COL19A1: variants seen among roughly 807,000 people sequenced by gnomAD.
The protein encoded by COL19A1 is collagen type XIX alpha 1 chain, also known as collagen alpha-1(XIX) chain.
A neutral mutation model predicts 190.2 loss-of-function variants in COL19A1; 159 were observed. That is an observed-to-expected ratio of 0.84 (90% CI 0.73 to 0.95). The LOEUF (loss-of-function observed/expected upper bound fraction) is 0.95. COL19A1 is among the 40% of genes least tolerant of loss of function. COL19A1 has a pLI of 0.00. For synonymous variants in COL19A1, 509 were observed against 458.9 expected, an observed-to-expected ratio of 1.11 and a Z score of -1.39; for missense variants, 1,418 against 1,431.9, an observed-to-expected ratio of 0.99 and a Z score of 0.16.
chr6:70,026,460 G>A (rs1778736687), intron 12 of COL19A1, among the ~76,000 whole-genome samples: 1 of 152,178 alleles, frequency 6.6e-6, no homozygotes, highest in Admixed American at 6.5e-5. Flanking sequence ...ATTGTCTGAT[G>A]TAGCTCATTA....
chr6:70,132,272 C>T (rs1313626094), intron 18 of COL19A1, among the ~76,000 whole-genome samples: 2 of 152,162 alleles, frequency 1.3e-5, no homozygotes, highest in East Asian at 3.9e-4. Flanking sequence ...CTGGCAAACA[C>T]CTGTGGTCCC....
intron 14 of COL19A1, among the ~76,000 whole-genome samples, chr6:70,051,981 C>T (rs1780229837): frequency 6.6e-6 from 1 of 152,042 alleles, no homozygotes; most frequent in African/African-American, 2.4e-5. Context: ...GAATAGATCC[C>T]ATAAATCATC....
At chr6:69,936,013 C>T (rs1482915593) in intron 7 of COL19A1, among the ~76,000 whole-genome samples, 1 of 152,124 alleles carries the variant, frequency 6.6e-6, no homozygotes, top group Non-Finnish European at 1.5e-5. Context: ...TATTAACTCT[C>T]TCCTAGTGCT....
At chr6:70,098,055 A>G (rs1372938805) in intron 15 of COL19A1, among the ~76,000 whole-genome samples, 2 of 152,174 alleles carry the variant, frequency 1.3e-5, no homozygotes, top group African/African-American at 4.8e-5. Flanking sequence ...AAACATGCAA[A>G]CATTCCTCCC....
chr6:69,998,644 CAAA>C (rs34860121), intron 11 of COL19A1, among the ~76,000 whole-genome samples: 4 of 67,256 alleles, frequency 5.9e-5, no homozygotes, highest in Non-Finnish European at 1.3e-4. Context: ...GACTCCCTCT[CAAA>C]AAAAAAAAAA....
chr6:70,085,941 T>C (rs11756715), intron 15 of COL19A1, among the ~76,000 whole-genome samples: 4,123 of 152,318 alleles, frequency 0.027, 94 homozygotes, highest in Non-Finnish European at 0.044. Context: ...AGTTATGCTA[T>C]TGCAACACTC....
At chr6:69,949,998 T>C (rs1218097858) in intron 9 of COL19A1, among the ~76,000 whole-genome samples, 1 of 151,830 alleles carries the variant, frequency 6.6e-6, no homozygotes, top group African/African-American at 2.4e-5. Flanking sequence ...ATTAATGGAG[T>C]GAAGCATATT....
At chr6:69,899,152 A>G (rs1769989434) in intron 3 of COL19A1, 130 bp downstream of exon 3, 1 of 619,438 alleles carries the variant, frequency 1.6e-6, no homozygotes. Context: ...GAAAATTTTA[A>G]GAATTCTTTT....
chr6:70,194,131 C>T (rs558170493), intron 48 of COL19A1, among the ~76,000 whole-genome samples: 2 of 152,290 alleles, frequency 1.3e-5, no homozygotes, highest in African/African-American at 2.4e-5. Flanking sequence ...TCTGCAGCCT[C>T]GAGAGCCATT....
intron 2 of COL19A1, among the ~76,000 whole-genome samples, chr6:69,881,615 C>A (rs1768560870): frequency 6.6e-6 from 1 of 152,210 alleles, no homozygotes; most frequent in African/African-American, 2.4e-5. Context: ...TATTCTGATC[C>A]AATTTACTTC....
rs536744550 is a variant in COL19A1, at chr6:70,065,337, G to C, written c.1171-3086G>C. ...CAACTATCTGATCTTTGACAAACCT[G>C]ACAAAAACAAGAAATGGGGAAAGGA... On this transcript the variant is annotated intron_variant, in intron 14 of 50. Transcript: ENST00000620364. Among the ~76,000 whole-genome samples, 363 of 152,204 alleles carry C rather than the reference G, an allele frequency of 2.4e-3. 1 individual carries two copies. The highest frequency in any genetic ancestry group is 7.1e-3 in the African/African-American group (294 of 41,536).
chr6:69,915,932 ATC>A (rs1346881982), intron 4 of COL19A1, among the ~76,000 whole-genome samples: 3 of 136,668 alleles, frequency 2.2e-5, no homozygotes, highest in Non-Finnish European at 4.6e-5. Context: ...CACTCATCTC[ATC>A]TTTTTTTTTT....
At chr6:70,096,265 T>TG in intron 15 of COL19A1, among the ~76,000 whole-genome samples, 1 of 147,904 alleles carries the variant, frequency 6.8e-6, no homozygotes, top group East Asian at 2.0e-4. Context: ...ATTTTTGTAT[T>TG]TTTTTTTTTT....
chr6:70,045,797 A>G (rs1012053734), intron 14 of COL19A1, among the ~76,000 whole-genome samples: 4 of 152,168 alleles, frequency 2.6e-5, no homozygotes, highest in Non-Finnish European at 4.4e-5. Context: ...AGATTTTTCA[A>G]TCCAGCAAGT....
intron 4 of COL19A1, among the ~76,000 whole-genome samples, chr6:69,913,789 A>G (rs1005285560): frequency 2.0e-5 from 3 of 152,152 alleles, no homozygotes; most frequent in African/African-American, 7.2e-5. Flanking sequence ...ATAGCACTAC[A>G]TGCTAGAAAA....
At chr6:70,138,514 G>A (rs1390999247) in intron 19 of COL19A1, among the ~76,000 whole-genome samples, 1 of 152,070 alleles carries the variant, frequency 6.6e-6, no homozygotes, top group African/African-American at 2.4e-5. Flanking sequence ...TTAAAGAAAA[G>A]TAATACATCT....
At chr6:70,031,594 A>G (rs1013514648) in intron 12 of COL19A1, among the ~76,000 whole-genome samples, 34 of 152,250 alleles carry the variant, frequency 2.2e-4, no homozygotes, top group Non-Finnish European at 4.1e-4. Context: ...ACTTCACTTA[A>G]TATAATGACT....
chr6:69,997,243 C>T (rs1776969972), intron 11 of COL19A1, among the ~76,000 whole-genome samples: 1 of 152,120 alleles, frequency 6.6e-6, no homozygotes, highest in East Asian at 1.9e-4. Context: ...GCCTTATGGA[C>T]TTGAGGTGCT....
In COL19A1 at chr6:70,188,243, C is replaced by A; in HGVS notation, c.3025C>A (p.Pro1009Thr). 6.2e-7 allele frequency: 1 copy of A among 1,607,938 alleles called. No homozygotes were observed. The highest frequency in any genetic ancestry group is 2.2e-5 in the East Asian group (1 of 44,808). Residue 1009 changes from proline (P) to threonine (T), a missense_variant and splice_region_variant, in exon 47 of 51, where the codon CCG (proline) becomes ACG (threonine). Coordinates refer to ENST00000620364, the MANE Select transcript of COL19A1 (RefSeq NM_001858.6). Reference protein sequence around the residue: ...PPGSPGIPGIPADAVSFEEIK... With the variant: ...PPGSPGIPGITADAVSFEEIK... ...AGGCTCTCCAGGCATCCCTGGCATT[C>A]CGGTAAGTAGTGCTAAGACGCTTTA...
Sources: allele counts gnomAD v4.1 joint callset (sites outside exome capture counted in the v4.1 genomes callset), GRCh38; gene constraint gnomAD v4.1.1; transcripts MANE v1.5; gene names NCBI Gene and HGNC (gene_info 2026-07-23, HGNC 2026-07-21).